The following NRG3 variants were observed in gnomAD, a reference collection of about 807,000 sequenced individuals.
The protein encoded by NRG3 is neuregulin 3.
Under a neutral mutation model 66.9 loss-of-function variants are expected in NRG3, and 31 were observed. The ratio of observed to expected loss-of-function variants is 0.46; its 90% CI spans 0.35 to 0.63. The LOEUF is 0.63. Among genes scored for constraint, NRG3 ranks in the 20% least tolerant of loss-of-function variants. NRG3 has a pLI of 0.00. For missense variants in NRG3, 910 were observed against 878.9 expected (o/e 1.04, Z -0.45); for synonymous variants, 393 against 359.4 (o/e 1.09, Z -1.06).
At chr10:82,432,376 T>C (rs2089874636) in intron 2 of NRG3, among the ~76,000 whole-genome samples, 1 of 152,034 alleles carries the variant, frequency 6.6e-6, no homozygotes, top group Non-Finnish European at 1.5e-5. Flanking sequence ...CTTATTTTTC[T>C]TACCACAGTG....
At chr10:82,669,928 A>C (rs1443518012) in intron 2 of NRG3, among the ~76,000 whole-genome samples, 1 of 143,580 alleles carries the variant, frequency 7.0e-6, no homozygotes, top group Non-Finnish European at 1.5e-5. Flanking sequence ...ACTCTGTCTC[A>C]AAAAAAAAAA....
intron 3 of NRG3, among the ~76,000 whole-genome samples, chr10:82,850,713 CAA>C (rs5786576): frequency 2.7e-4 from 37 of 137,810 alleles, no homozygotes; most frequent in African/African-American, 8.4e-4. Context: ...TTTTTAAGAG[CAA>C]AAAAAAAAAA....
intron 1 of NRG3, among the ~76,000 whole-genome samples, chr10:82,150,528 CACAAAAAAAA>C (rs755105317): frequency 3.9e-5 from 2 of 51,738 alleles, no homozygotes; most frequent in Non-Finnish European, 7.2e-5. Flanking sequence ...AAAGAGCACA[CACAAAAAAAA>C]AAAAAAAAAA....
intron 1 of NRG3, among the ~76,000 whole-genome samples, chr10:81,892,950 T>C (rs2132575206): frequency 6.6e-6 from 1 of 152,268 alleles, no homozygotes; most frequent in South Asian, 2.1e-4. Flanking sequence ...ATGCACCTAC[T>C]CTGTAGCAAC....
At chr10:82,420,943 A>C (rs1272962115) in intron 2 of NRG3, among the ~76,000 whole-genome samples, 1 of 152,124 alleles carries the variant, frequency 6.6e-6, no homozygotes, top group Non-Finnish European at 1.5e-5. Flanking sequence ...AAAATGTAAA[A>C]GTATAGGGAC....
intron 1 of NRG3, among the ~76,000 whole-genome samples, chr10:82,003,917 C>T (rs528748041): frequency 9.3e-5 from 14 of 151,200 alleles, no homozygotes; most frequent in Non-Finnish European, 1.6e-4. Context: ...ACTCCGGAGG[C>T]TGAAGTGGGA....
At chr10:82,435,636 G>A (rs1054258733) in intron 2 of NRG3, among the ~76,000 whole-genome samples, 4 of 151,824 alleles carry the variant, frequency 2.6e-5, no homozygotes, top group African/African-American at 9.7e-5. Flanking sequence ...CAGAGATTCT[G>A]GTATGTTGTC....
chr10:82,044,373 C>T (rs1490450761), intron 1 of NRG3, among the ~76,000 whole-genome samples: 1 of 151,896 alleles, frequency 6.6e-6, no homozygotes, highest in Non-Finnish European at 1.5e-5. Flanking sequence ...CCCACATACC[C>T]ACACTCACTC....
At chr10:82,453,004 T>C (rs2091093865) in intron 2 of NRG3, among the ~76,000 whole-genome samples, 1 of 152,110 alleles carries the variant, frequency 6.6e-6, no homozygotes, top group Non-Finnish European at 1.5e-5. Flanking sequence ...CCAGAGACAG[T>C]TCTATACTCT....
intron 3 of NRG3, among the ~76,000 whole-genome samples, chr10:82,750,035 A>T (rs542333384): frequency 6.6e-6 from 1 of 152,326 alleles, no homozygotes; most frequent in South Asian, 2.1e-4. Flanking sequence ...CAAAATTCAG[A>T]GGAAAACCAT....
At chr10:82,610,302 C>A (rs2048230094) in intron 2 of NRG3, among the ~76,000 whole-genome samples, 1 of 60,298 alleles carries the variant, frequency 1.7e-5, no homozygotes, top group South Asian at 4.0e-4. Context: ...ATGCAGAGAC[C>A]CTCTTGCCGT....
intron 2 of NRG3, among the ~76,000 whole-genome samples, chr10:82,517,131 G>C (rs1331615299): frequency 6.6e-6 from 1 of 152,000 alleles, no homozygotes; most frequent in African/African-American, 2.4e-5. Flanking sequence ...CTATCTGACA[G>C]ATTTTTTTTT....
chr10:82,673,319 A>C (rs1248861763), intron 2 of NRG3, among the ~76,000 whole-genome samples: 1 of 152,208 alleles, frequency 6.6e-6, no homozygotes, highest in Non-Finnish European at 1.5e-5. Flanking sequence ...TATATAGCTC[A>C]CATTTGTTTC....
intron 1 of NRG3, among the ~76,000 whole-genome samples, chr10:82,275,353 A>G (rs2078792301): frequency 6.6e-6 from 1 of 151,970 alleles, no homozygotes; most frequent in African/African-American, 2.4e-5. Context: ...TTAGGCTGAA[A>G]TTACAGTAGG....
intron 2 of NRG3, among the ~76,000 whole-genome samples, chr10:82,624,331 T>C (rs1162931399): frequency 6.6e-6 from 1 of 152,168 alleles, no homozygotes; most frequent in Non-Finnish European, 1.5e-5. Context: ...GTTGAAACAA[T>C]GCAGATTTAT....
At chr10:82,841,622 T>G (rs1470833931) in intron 3 of NRG3, among the ~76,000 whole-genome samples, 1 of 152,088 alleles carries the variant, frequency 6.6e-6, no homozygotes, top group East Asian at 1.9e-4. Flanking sequence ...AAACTTCAGT[T>G]TTGCTCTTCA....
intron 1 of NRG3, among the ~76,000 whole-genome samples, chr10:82,032,486 A>G (rs2062616423): frequency 6.6e-6 from 1 of 152,070 alleles, no homozygotes. Context: ...GGGAACAGAT[A>G]GATCTTCATT....
intron 2 of NRG3, among the ~76,000 whole-genome samples, chr10:82,684,612 G>A (rs2054365849): frequency 6.6e-6 from 1 of 151,850 alleles, no homozygotes; most frequent in African/African-American, 2.4e-5. Context: ...CCCCCATTAT[G>A]TATGACAATC....
At chr10:82,009,774 C>T (rs767089991) in intron 1 of NRG3, among the ~76,000 whole-genome samples, 1 of 152,128 alleles carries the variant, frequency 6.6e-6, no homozygotes, top group Admixed American at 6.5e-5. Context: ...AGACCAAATC[C>T]CTGGGATCAG....
Sources: allele counts gnomAD v4.1 joint callset (sites outside exome capture counted in the v4.1 genomes callset), GRCh38; gene constraint gnomAD v4.1.1; transcripts MANE v1.5; gene names NCBI Gene and HGNC (gene_info 2026-07-23, HGNC 2026-07-21).